RNF217: variants seen among roughly 807,000 people sequenced by gnomAD.
The protein encoded by RNF217 is E3 ubiquitin-protein ligase RNF217.
Under a neutral mutation model 57.8 loss-of-function variants are expected in RNF217, and 31 were observed. The observed-to-expected ratio is 0.54, with a 90% CI of 0.40 to 0.72. RNF217 has a LOEUF of 0.72. RNF217 is among the 30% of genes least tolerant of loss of function. The probability of loss-of-function intolerance (pLI) is 0.00; values close to 1 mark genes in which losing one functional copy is unlikely to be tolerated. For synonymous variants in RNF217, 313 were observed against 294.0 expected, an observed-to-expected ratio of 1.06 and a Z score of -0.66; for missense variants, 696 against 708.3, an observed-to-expected ratio of 0.98 and a Z score of 0.20.
In RNF217 at chr6:124,962,662, G is replaced by A. The variant is rs1187515873; in HGVS notation, c.118G>A (p.Ala40Thr). Residue 40 changes from alanine to threonine, a missense_variant, in exon 1 of 6, where the codon GCG becomes ACG. By Grantham distance (58) the Ala-to-Thr change is moderately conservative (BLOSUM62 0). Around this residue, in one of 2 missense-constraint regions of RNF217, gnomAD observed 465 missense variants for 386.8 expected, o/e 1.20. Transcript: ENST00000521654. The surrounding 1 kb of genome is among the most constrained non-coding windows in gnomAD (Gnocchi z 4.6). Reference sequence around the variant, plus strand: ...GAGGCCTCAGGGGGACAGCGCCCGGGCGCCCCCGCTGCGCGCCGCCTCCGC... The same window carrying A: ...GAGGCCTCAGGGGGACAGCGCCCGGACGCCCCCGCTGCGCGCCGCCTCCGC... Reference protein sequence around the residue: ...PPRPQGDSARAPPLRAASAEP... With the variant: ...PPRPQGDSARTPPLRAASAEP... 7 of 1,335,002 alleles carry A rather than the reference G, an allele frequency of 5.2e-6. No homozygotes were observed. Among genetic ancestry groups the A allele is most frequent in the Non-Finnish European group, 6.6e-6 (7 of 1,054,078 alleles). The allele number at this position is 1,335,002 out of a possible 1,614,324, so 82.7% of individuals were successfully genotyped here.
intron 1 of RNF217, among the ~76,000 whole-genome samples, chr6:125,008,527 A>G (rs762100771): frequency 6.6e-6 from 1 of 152,078 alleles, no homozygotes; most frequent in Non-Finnish European, 1.5e-5. Flanking sequence ...TTGGTTTCCA[A>G]CTTCTTGGAG....
chr6:124,969,758 G>C (rs909022794), intron 1 of RNF217, among the ~76,000 whole-genome samples: 2 of 152,122 alleles, frequency 1.3e-5, no homozygotes, highest in African/African-American at 4.8e-5. Flanking sequence ...AATGGAAAAT[G>C]AGATAAGTAA....
chr6:125,013,207 T>C (rs1785474017), intron 1 of RNF217, among the ~76,000 whole-genome samples: 1 of 152,030 alleles, frequency 6.6e-6, no homozygotes, highest in South Asian at 2.1e-4. Flanking sequence ...AGATTATAAT[T>C]TAGTGAGAAG....
intron 3 of RNF217, among the ~76,000 whole-genome samples, chr6:125,065,705 T>A (rs1296125971): frequency 6.6e-6 from 1 of 152,202 alleles, no homozygotes; most frequent in African/African-American, 2.4e-5. Flanking sequence ...GATCTAAAGC[T>A]TTCTTAATGT....
At chr6:125,041,628 C>T (rs1257095044) in intron 1 of RNF217, among the ~76,000 whole-genome samples, 1 of 152,034 alleles carries the variant, frequency 6.6e-6, no homozygotes, top group Non-Finnish European at 1.5e-5. Context: ...TTTGCTGTCT[C>T]TTCCCCATGT....
intron 2 of RNF217, 44 bp downstream of exon 2, chr6:125,045,488 G>A (rs9491286): frequency 6.9e-7 from 1 of 1,449,110 alleles, no homozygotes; most frequent in Non-Finnish European, 9.6e-7. Context: ...TCACATGGCA[G>A]AAGCAGCCAG....
At chr6:125,001,238 A>T (rs979631974) in intron 1 of RNF217, among the ~76,000 whole-genome samples, 1 of 152,146 alleles carries the variant, frequency 6.6e-6, no homozygotes, top group Non-Finnish European at 1.5e-5. Context: ...GTGAAATTCT[A>T]TGTAAGTTTT....
In RNF217 at chr6:125,009,985, C is replaced by CT. The variant is rs66917505; in HGVS notation, c.883-35210dup. ...TGTGAATTGAAGACAGCTTAGCATT[C>CT]TTTTTTTTTTTTTTTTACTAAATCT... On this transcript the variant is annotated intron_variant, in intron 1 of 5. Coordinates refer to ENST00000521654, the MANE Select transcript of RNF217 (RefSeq NM_001286398.3). Among the ~76,000 whole-genome samples the CT allele has an allele frequency of 3.1e-3, 425 of 138,980 alleles. 4 individuals are homozygous for CT. Among genetic ancestry groups the CT allele is most frequent in the South Asian group, 0.016 (66 of 4,248 alleles). 91.2% of individuals were successfully genotyped at this position (138,980 alleles called of 152,430 possible). A position where few individuals can be genotyped will look rare whatever the true frequency, so the allele number is the denominator to read the frequency against.
intron 1 of RNF217, among the ~76,000 whole-genome samples, chr6:125,013,221 C>T (rs1270211824): frequency 6.6e-6 from 1 of 151,796 alleles, no homozygotes; most frequent in Non-Finnish European, 1.5e-5. Context: ...TGAGAAGAAA[C>T]AGGTAATAAA....
At chr6:125,060,155 T>C (rs1787676881) in intron 3 of RNF217, among the ~76,000 whole-genome samples, 1 of 152,148 alleles carries the variant, frequency 6.6e-6, no homozygotes, top group Non-Finnish European at 1.5e-5. Flanking sequence ...TGTTTTATAC[T>C]GTAAGGCTTT....
chr6:125,081,388 T>C, intron 4 of RNF217, 48 bp from the exon 5 acceptor site: 2 of 1,367,668 alleles, frequency 1.5e-6, no homozygotes, highest in Non-Finnish European at 2.1e-6. Flanking sequence ...AATTATTTGG[T>C]AGGTTAGTTT....
Position 124,963,378 on chromosome 6 carries a change from C to G in RNF217, c.834C>G (p.Cys278Trp). 1 of 1,514,554 alleles carries G rather than the reference C, an allele frequency of 6.6e-7. No individual in the cohort carries two copies. 93.8% of individuals were successfully genotyped at this position (1,514,554 alleles called of 1,614,324 possible). A position where few individuals can be genotyped will look rare whatever the true frequency, so the allele number is the denominator to read the frequency against. ...EDKPIKPLPCCKKAVCEECLK... is the reference protein window; with the variant it reads ...EDKPIKPLPCWKKAVCEECLK... The stretch of plus-strand genomic sequence containing the variant: ...AGCCCATCAAGCCCCTGCCTTGCTG[C>G]AAGAAGGCCGTGTGCGAGGAGTGCC... Residue 278 changes from cysteine (C) to tryptophan (W), a missense_variant, in exon 1 of 6, where the codon TGC (cysteine) becomes TGG (tryptophan). By Grantham distance (215) the Cys-to-Trp change is radical. Transcript: ENST00000521654.
At chr6:125,068,878 G>A (rs1788035092) in intron 3 of RNF217, among the ~76,000 whole-genome samples, 1 of 152,124 alleles carries the variant, frequency 6.6e-6, no homozygotes, top group South Asian at 2.1e-4. Flanking sequence ...TAATCATTGG[G>A]TAGAGGGCCA....
intron 1 of RNF217, among the ~76,000 whole-genome samples, chr6:125,010,622 G>C (rs964465147): frequency 6.6e-6 from 1 of 152,146 alleles, no homozygotes; most frequent in Non-Finnish European, 1.5e-5. Context: ...AAAATAGTTC[G>C]TTGTGTTAAA....
chr6:125,057,583 G>A (rs1787570800), intron 2 of RNF217, among the ~76,000 whole-genome samples: 1 of 152,152 alleles, frequency 6.6e-6, no homozygotes, highest in Non-Finnish European at 1.5e-5. Context: ...TGGGTAATTC[G>A]TTCAAAGGAA....
chr6:125,011,858 G>C (rs17052599), intron 1 of RNF217, among the ~76,000 whole-genome samples: 11,573 of 151,682 alleles, frequency 0.076, 1,535 homozygotes, highest in African/African-American at 0.27. Flanking sequence ...ACTCTTCTCG[G>C]TGAGATAATA....
At chr6:125,011,482 C>T (rs1488384830) in intron 1 of RNF217, among the ~76,000 whole-genome samples, 1 of 152,082 alleles carries the variant, frequency 6.6e-6, no homozygotes, top group Non-Finnish European at 1.5e-5. Context: ...TCCAGAGCCC[C>T]CTACTTTGTT....
At position 125,031,743 on chromosome 6, in the gene RNF217, C is replaced by A. The variant is rs189685915; in HGVS notation, c.883-13468C>A. On this transcript the variant is annotated intron_variant, in intron 1 of 5. Transcript: ENST00000521654. ...AAGTTCCAAACTTTCCCACATTTTC[C>A]TATCTTCTTCTGAGCCCTCCAAGCT... 8.5e-5 allele frequency among the ~76,000 whole-genome samples: 13 copies of A among 152,284 alleles called. No homozygotes were observed. In the East Asian group the frequency reaches 2.5e-3, roughly 29 times the overall value.
chr6:125,024,903 G>GTA (rs1028698135), intron 1 of RNF217, among the ~76,000 whole-genome samples: 10 of 152,010 alleles, frequency 6.6e-5, no homozygotes, highest in Non-Finnish European at 1.3e-4. Context: ...AGCTTGCACT[G>GTA]TATATATATG....
Sources: allele counts gnomAD v4.1 joint callset (sites outside exome capture counted in the v4.1 genomes callset), GRCh38; gene constraint gnomAD v4.1.1; regional missense constraint gnomAD v4.1.1; non-coding constraint Gnocchi (gnomAD v3.1); transcripts MANE v1.5; gene names NCBI Gene and HGNC (gene_info 2026-07-23, HGNC 2026-07-21).